The following LRMDA variants were observed in gnomAD, a reference collection of about 807,000 sequenced individuals.
The protein encoded by LRMDA is leucine rich melanocyte differentiation associated, also known as leucine-rich melanocyte differentiation-associated protein.
In LRMDA, 18 loss-of-function variants were observed where a neutral mutation model predicts 29.8. The ratio of observed to expected loss-of-function variants is 0.60; its 90% CI spans 0.42 to 0.90. LRMDA has a LOEUF of 0.90. LRMDA is among the 40% of genes least tolerant of loss of function. The pLI, the probability that LRMDA is intolerant of heterozygous loss-of-function variation, is 0.00. For missense variants in LRMDA, 273 were observed against 273.9 expected (o/e 1.00, Z 0.02); for synonymous variants, 125 against 109.4 (o/e 1.14, Z -0.89).
At chr10:76,356,471 A>T (rs1454122012) in intron 6 of LRMDA, among the ~76,000 whole-genome samples, 1 of 152,202 alleles carries the variant, frequency 6.6e-6, no homozygotes, top group Non-Finnish European at 1.5e-5. Flanking sequence ...AAGCTAATTT[A>T]GTTATCAAAT....
intron 5 of LRMDA, among the ~76,000 whole-genome samples, chr10:76,187,632 A>G (rs1013999269): frequency 6.6e-6 from 1 of 152,206 alleles, no homozygotes; most frequent in Non-Finnish European, 1.5e-5. Flanking sequence ...GCTCTGCTCC[A>G]TGTGCTTGAA....
chr10:75,496,643 T>C (rs1845047130), intron 2 of LRMDA, among the ~76,000 whole-genome samples: 1 of 152,136 alleles, frequency 6.6e-6, no homozygotes, highest in Non-Finnish European at 1.5e-5. Flanking sequence ...GGGTATACCA[T>C]GAGAAGGCGC....
intron 2 of LRMDA, among the ~76,000 whole-genome samples, chr10:75,706,580 A>G (rs2132173636): frequency 6.6e-6 from 1 of 152,346 alleles, no homozygotes; most frequent in South Asian, 2.1e-4. Flanking sequence ...AGTAGGTAAT[A>G]GAATTCAGGA....
intron 5 of LRMDA, among the ~76,000 whole-genome samples, chr10:76,113,869 G>T (rs1168682096): frequency 1.3e-5 from 2 of 152,190 alleles, no homozygotes; most frequent in East Asian, 3.9e-4. Flanking sequence ...ACAGAGCTCA[G>T]CATTGTGCCC....
At chr10:75,444,604 A>C (rs1004100920) in intron 2 of LRMDA, among the ~76,000 whole-genome samples, 1 of 152,218 alleles carries the variant, frequency 6.6e-6, no homozygotes, top group Non-Finnish European at 1.5e-5. Context: ...GGCAGGGGGC[A>C]TGACATTTTG....
At chr10:75,673,396 A>G (rs983536122) in intron 2 of LRMDA, among the ~76,000 whole-genome samples, 1 of 152,210 alleles carries the variant, frequency 6.6e-6, no homozygotes, top group African/African-American at 2.4e-5. Context: ...CATTTTTCAG[A>G]TAAAAAACCA....
intron 6 of LRMDA, among the ~76,000 whole-genome samples, chr10:76,382,999 G>A (rs1841611414): frequency 6.6e-6 from 1 of 152,220 alleles, no homozygotes; most frequent in Non-Finnish European, 1.5e-5. Context: ...ACTGTTTTTA[G>A]TGGGTTTTAT....
intron 2 of LRMDA, among the ~76,000 whole-genome samples, chr10:75,713,511 A>G (rs886382108): frequency 1.1e-4 from 17 of 152,362 alleles, no homozygotes; most frequent in African/African-American, 3.8e-4. Flanking sequence ...AAGGTCTTGA[A>G]TAAGAATTAG....
chr10:76,110,383 A>T (rs1311366357), intron 5 of LRMDA, among the ~76,000 whole-genome samples: 1 of 152,202 alleles, frequency 6.6e-6, no homozygotes, highest in African/African-American at 2.4e-5. Context: ...TCTTACTTCC[A>T]TCAGCTTTTG....
chr10:75,943,601 T>C (rs947744078), intron 2 of LRMDA, among the ~76,000 whole-genome samples: 1 of 152,228 alleles, frequency 6.6e-6, no homozygotes, highest in African/African-American at 2.4e-5. Context: ...TCCTGTGATA[T>C]GTTAGCTGCT....
At chr10:76,199,097 T>C (rs960175) in intron 5 of LRMDA, among the ~76,000 whole-genome samples, 1 of 152,162 alleles carries the variant, frequency 6.6e-6, no homozygotes, top group Non-Finnish European at 1.5e-5. Flanking sequence ...TATGTGTGTG[T>C]GCACTTGTGT....
In LRMDA at chr10:75,541,672, C is replaced by T. The variant is rs148331336; in HGVS notation, c.131+103178C>T. On this transcript the variant is annotated intron_variant, in intron 2 of 6. Transcript: ENST00000611255. ...AAAGTTTGACCTCAGCTGCCAGATC[C>T]GATCTGCTAGGGGGTAATTGAGTTG... 3.8e-3 allele frequency among the ~76,000 whole-genome samples: 576 copies of T among 152,220 alleles called. 5 individuals carry two copies. The highest frequency in any genetic ancestry group is 6.6e-3 in the Non-Finnish European group (448 of 68,006).
chr10:75,747,371 C>T (rs1842901981), intron 2 of LRMDA, among the ~76,000 whole-genome samples: 1 of 152,126 alleles, frequency 6.6e-6, no homozygotes, highest in Non-Finnish European at 1.5e-5. Flanking sequence ...AATTTTGCCT[C>T]TGCATTGGAA....
chr10:75,467,736 G>A (rs530921612), intron 2 of LRMDA, among the ~76,000 whole-genome samples: 120 of 152,214 alleles, frequency 7.9e-4, no homozygotes, highest in African/African-American at 2.7e-3. Context: ...GCCGAGGTGG[G>A]CAGATCATGA....
At chr10:76,112,570 C>G (rs1849598771) in intron 5 of LRMDA, among the ~76,000 whole-genome samples, 1 of 152,244 alleles carries the variant, frequency 6.6e-6, no homozygotes, top group Non-Finnish European at 1.5e-5. Flanking sequence ...TCTCCCAGGT[C>G]CGCAGCCTTC....
chr10:75,595,712 A>G (rs1840778298), intron 2 of LRMDA, among the ~76,000 whole-genome samples: 1 of 151,696 alleles, frequency 6.6e-6, no homozygotes, highest in African/African-American at 2.4e-5. Flanking sequence ...TTAAATTAAT[A>G]TATATATTTT....
chr10:76,479,857 A>AC (rs2132325593), intron 6 of LRMDA, among the ~76,000 whole-genome samples: 1 of 151,884 alleles, frequency 6.6e-6, no homozygotes, highest in Admixed American at 6.6e-5. Context: ...TCATCCATTA[A>AC]CTGAGCTGTT....
chr10:76,029,161 A>T (rs1453848297), intron 2 of LRMDA, among the ~76,000 whole-genome samples: 1 of 152,118 alleles, frequency 6.6e-6, no homozygotes, highest in Non-Finnish European at 1.5e-5. Context: ...TTATTCCTAC[A>T]TGAGTATCTC....
At chr10:75,460,273 T>G (rs1844569714) in intron 2 of LRMDA, among the ~76,000 whole-genome samples, 1 of 152,206 alleles carries the variant, frequency 6.6e-6, no homozygotes, top group Non-Finnish European at 1.5e-5. Context: ...TATCTTCTAG[T>G]GTGTTAAAAT....
Sources: allele counts gnomAD v4.1 joint callset (sites outside exome capture counted in the v4.1 genomes callset), GRCh38; gene constraint gnomAD v4.1.1; transcripts MANE v1.5; gene names NCBI Gene and HGNC (gene_info 2026-07-23, HGNC 2026-07-21).